ZNF202: variants seen among roughly 807,000 people sequenced by gnomAD.
ZNF202 encodes the protein zinc finger protein with KRAB and SCAN domains 10.
A neutral mutation model predicts 54.5 loss-of-function variants in ZNF202; 22 were observed. The ratio of observed to expected loss-of-function variants is 0.40; its 90% CI spans 0.29 to 0.58. The LOEUF (loss-of-function observed/expected upper bound fraction) is 0.58, where lower values mean the gene tolerates loss of function less well. Among genes scored for constraint, ZNF202 ranks in the 20% least tolerant of loss-of-function variants. The pLI is 0.39. For missense variants in ZNF202, 644 were observed against 805.5 expected (o/e 0.80, Z 2.43); for synonymous variants, 294 against 301.4 (o/e 0.98, Z 0.26).
rs149590997 is a variant in ZNF202, at chr11:123,725,002, T to C, written c.*995A>G. The C allele has an allele frequency of 4.6e-5, 7 of 152,348 alleles. No homozygotes were observed. The East Asian group carries it at 1.2e-3, about 25-fold the overall frequency. The allele number at this position is 152,348 out of a possible 1,614,324, so 9.4% of individuals were successfully genotyped here. A position where few individuals can be genotyped will look rare whatever the true frequency, so the allele number is the denominator to read the frequency against. On this transcript the variant is annotated 3_prime_UTR_variant, in exon 9 of 9. Coordinates refer to ENST00000530393, the MANE Select transcript of ZNF202 (RefSeq NM_003455.4). The stretch of plus-strand genomic sequence containing the variant: ...GCCCATGGCAATCATGATTCTGTAA[T>C]TGTTATAGTGCCTTTGTAAGTTGAC...
Position 123,728,360 on chromosome 11 carries a change from G to T in ZNF202, c.703-98C>A. ...ATACAATAGGTGGACTCCTCTAGGA[G>T]ATGAAAGGAGCTTGAGTGGCGGGCT... On this transcript the variant is annotated intron_variant, in intron 6 of 8. Transcript: ENST00000530393. The T allele has an allele frequency of 3.6e-6, 5 of 1,387,296 alleles. No homozygotes were observed. The South Asian group carries it at 7.7e-5, about 21-fold the overall frequency. The allele number at this position is 1,387,296 out of a possible 1,614,324, so 85.9% of individuals were successfully genotyped here.
chr11:123,730,625 C>A lies in ZNF202; in HGVS notation c.264G>T (p.Leu88=). The part of the protein sequence containing the change: ...ERRTKEQILE[L]LVLEQFLTVL... ...CGGTAAGAAATTGTTCCAGCACAAG[C>A]AGCTCTAGGATCTGCTCCTTTGTCC... Residue 88 remains leucine (L), a synonymous_variant, in exon 4 of 9, where the codon CTG becomes CTT. Coordinates refer to ENST00000530393, the MANE Select transcript of ZNF202 (RefSeq NM_003455.4). The surrounding 1 kb of genome is among the most constrained non-coding windows in gnomAD (Gnocchi z 6.0). 6.2e-7 allele frequency: 1 copy of A among 1,613,014 alleles called. No homozygotes were observed. The highest frequency in any genetic ancestry group is 8.5e-7 in the Non-Finnish European group (1 of 1,179,330).
At chr11:123,733,802 T>C (rs771239958) in intron 3 of ZNF202, among the ~76,000 whole-genome samples, 8 of 152,192 alleles carry the variant, frequency 5.3e-5, no homozygotes, top group Non-Finnish European at 7.3e-5. Flanking sequence ...CTTCAAGTAA[T>C]GTTTGGCCTA....
Position 123,730,865 on chromosome 11 carries a change from C to T in ZNF202, c.24G>A (p.Glu8=). 3.1e-6 allele frequency: 5 copies of T among 1,614,024 alleles called. No homozygotes were observed. The highest frequency in any genetic ancestry group is 2.7e-5 in the African/African-American group (2 of 75,060). MATAVEP[E]DQDLWEEEGI... The stretch of plus-strand genomic sequence containing the variant: ...CCTCTTCTTCCCAAAGATCCTGGTC[C>T]TCTGGTTCCACGGCTGTAGCCATTT... Residue 8 remains glutamate, a synonymous_variant, in exon 4 of 9, where the codon GAG becomes GAA. Transcript: ENST00000530393. The surrounding 1 kb of genome is among the most constrained non-coding windows in gnomAD (Gnocchi z 6.0).
rs768032962 is a variant in ZNF202 at position 123,729,825 on chromosome 11, C to T, written c.403G>A (p.Val135Met). 6 of 1,596,082 alleles carry T rather than the reference C, an allele frequency of 3.8e-6. No individual in the cohort carries two copies. In the East Asian group the frequency reaches 1.1e-4, roughly 30 times the overall value. ...QKQPRRPRRW[V>M]TVHVHGQEVL... ...TCCTGGCCGTGAACATGGACAGTCA[C>T]CTGGGAATAATTCCAACTTCCAGTC... is the stretch of plus-strand genomic sequence containing the variant. Residue 135 changes from valine to methionine, a missense_variant and splice_region_variant, in exon 5 of 9, where the codon GTG becomes ATG. Coordinates refer to ENST00000530393, the MANE Select transcript of ZNF202 (RefSeq NM_003455.4).
intron 1 of ZNF202, among the ~76,000 whole-genome samples, 200 bp downstream of exon 1, chr11:123,741,349 C>T (rs1468169950): frequency 6.6e-6 from 1 of 152,106 alleles, no homozygotes; most frequent in Admixed American, 6.5e-5. Context: ...CTCCGGCCAC[C>T]AGGAAACACA....
In ZNF202 at chr11:123,730,605, A is replaced by G; in HGVS notation, c.284T>C (p.Leu95Pro). Residue 95 changes from leucine to proline, a missense_variant, in exon 4 of 9, where the codon CTT (leucine) becomes CCT (proline). By Grantham distance (98) the Leu-to-Pro change is moderately conservative. Transcript: ENST00000530393. The surrounding 1 kb of genome is among the most constrained non-coding windows in gnomAD (Gnocchi z 6.0). ...CTGTAGTTCTCCAGGTAGGACGGTA[A>G]GAAATTGTTCCAGCACAAGCAGCTC... is the stretch of plus-strand genomic sequence containing the variant. ...ILELLVLEQF[L>P]TVLPGELQSW... The G allele has an allele frequency of 6.2e-7, 1 of 1,612,472 alleles. No individual in the cohort carries two copies. Among genetic ancestry groups the G allele is most frequent in the Non-Finnish European group, 8.5e-7 (1 of 1,179,082 alleles).
rs1861109096 is a variant in ZNF202, at chr11:123,725,919, G to A, written c.*78C>T. 2.7e-6 allele frequency: 4 copies of A among 1,502,160 alleles called. No homozygotes were observed. The highest frequency in any genetic ancestry group is 2.3e-5 in the East Asian group (1 of 44,100). The allele number at this position is 1,502,160 out of a possible 1,614,324, so 93.1% of individuals were successfully genotyped here. Reference sequence around the variant, plus strand: ...GACTCCCTCGAAAAGGTCTTCCCAGGCTGACAAGAGGGCTTTTCCTCTTCC... The same window carrying A: ...GACTCCCTCGAAAAGGTCTTCCCAGACTGACAAGAGGGCTTTTCCTCTTCC... On this transcript the variant is annotated 3_prime_UTR_variant, in exon 9 of 9. Transcript: ENST00000530393.
intron 1 of ZNF202, among the ~76,000 whole-genome samples, chr11:123,741,129 A>G (rs1267630927): frequency 6.6e-6 from 1 of 152,104 alleles, no homozygotes; most frequent in Non-Finnish European, 1.5e-5. Context: ...GATCTTAAGC[A>G]ATCTGAGAGG....
chr11:123,732,444 C>T (rs561004516), intron 3 of ZNF202, among the ~76,000 whole-genome samples: 1 of 152,312 alleles, frequency 6.6e-6, no homozygotes, highest in Admixed American at 6.5e-5. Flanking sequence ...CACAAGAGTC[C>T]CGTGTTCTTT....
At chr11:123,728,381 G>T in intron 6 of ZNF202, 119 bp from the exon 7 acceptor site, 1 of 1,305,990 alleles carries the variant, frequency 7.7e-7, no homozygotes, top group Non-Finnish European at 9.9e-7. Flanking sequence ...CTTGAGTGGC[G>T]GGCTGCTTAA....
rs1201536895 is a variant in ZNF202, at chr11:123,726,398, T to C, written c.1546A>G (p.Lys516Glu). ...AACACAGATTTCTGGCTGAAGCTTT[T>C]GCCACAAATAGTACAAAAGAAGGGT... Reference protein sequence around the residue: ...EKPFFCTICGKSFSQKSVLTT... With the variant: ...EKPFFCTICGESFSQKSVLTT... The change falls in exon 9 of 9, where the codon AAA becomes GAA. Residue 516 changes from lysine (K) to glutamate (E), a missense_variant. Transcript: ENST00000530393. This position sits in a 1 kb window ranked among gnomAD's most constrained non-coding sequence, Gnocchi z 6.0. 6.2e-7 allele frequency: 1 copy of C among 1,614,250 alleles called. No individual in the cohort carries two copies. Among genetic ancestry groups the C allele is most frequent in the Non-Finnish European group, 8.5e-7 (1 of 1,180,036 alleles).
chr11:123,734,613 ATG>A (rs1247521095), intron 3 of ZNF202, among the ~76,000 whole-genome samples: 1 of 152,008 alleles, frequency 6.6e-6, no homozygotes, highest in East Asian at 1.9e-4. Context: ...CAGCATGCAC[ATG>A]TGTCTATTTT....
At position 123,726,496 on chromosome 11, in the gene ZNF202, C is replaced by T. The variant is rs1216305262; in HGVS notation, c.1448G>A (p.Cys483Tyr). Residue 483 changes from cysteine to tyrosine, a missense_variant, in exon 9 of 9, where the codon TGT (cysteine) becomes TAT (tyrosine). Cys to Tyr is a radical substitution (Grantham distance 194). This residue lies in a region of ZNF202 where 536 missense variants were observed against 635.3 expected (regional missense o/e 0.84). Transcript: ENST00000530393. The surrounding 1 kb of genome is among the most constrained non-coding windows in gnomAD (Gnocchi z 6.0). ...RTPSVEKPYRCDDCGKHFRWT... is the reference protein window; with the variant it reads ...RTPSVEKPYRYDDCGKHFRWT... ...GCGGAAGTGCTTTCCGCAATCATCA[C>T]ATCTATAGGGTTTCTCCACTGATGG... 1 of 1,614,254 alleles carries T rather than the reference C, an allele frequency of 6.2e-7. No homozygotes were observed. The highest frequency in any genetic ancestry group is 8.5e-7 in the Non-Finnish European group (1 of 1,180,034).
At position 123,726,236 on chromosome 11, in the gene ZNF202, A is replaced by G; in HGVS notation, c.1708T>C (p.Cys570Arg). The change falls in exon 9 of 9, where the codon TGC becomes CGC. Residue 570 changes from cysteine (C) to arginine (R), a missense_variant. Transcript: ENST00000530393. This position sits in a 1 kb window ranked among gnomAD's most constrained non-coding sequence, Gnocchi z 6.0. ...AAEELYLCSE[C>R]GRCFTHSAAF... is the part of the protein sequence containing the mutation. ...GCGCTGTGGGTGAAGCAGCGCCCGC[A>G]CTCGCTGCAGAGGTAGAGTTCCTCA... 1 of 1,614,144 alleles carries G rather than the reference A, an allele frequency of 6.2e-7. No individual in the cohort carries two copies. The highest frequency in any genetic ancestry group is 8.5e-7 in the Non-Finnish European group (1 of 1,180,026).
chr11:123,729,004 G>A, intron 6 of ZNF202, 122 bp downstream of exon 6: 1 of 929,278 alleles, frequency 1.1e-6, no homozygotes, highest in Non-Finnish European at 1.7e-6. Flanking sequence ...GGTACCTGCA[G>A]AACTGTGAGC....
intron 6 of ZNF202, 62 bp from the exon 7 acceptor site, chr11:123,728,324 T>C (rs1861247439): frequency 9.1e-6 from 14 of 1,536,132 alleles, no homozygotes; most frequent in South Asian, 3.6e-5. Flanking sequence ...ATTTTGTCCC[T>C]GTTGAAGGTC....
chr11:123,726,184 T>C lies in ZNF202; in HGVS notation c.1760A>G (p.His587Arg), dbSNP rs1300916341. 1 of 1,614,192 alleles carries C rather than the reference T, an allele frequency of 6.2e-7. No homozygotes were observed. Among genetic ancestry groups the C allele is most frequent in the South Asian group, 1.1e-5 (1 of 91,084 alleles). The part of the protein sequence containing the change: ...SAAFAKHLRG[H>R]ASVRPCRCNE... ...GCATCGGCAGGGCCTCACTGAGGCG[T>C]GTCCTCTCAAGTGCTTGGCGAACGC... is the stretch of plus-strand genomic sequence containing the variant. The change falls in exon 9 of 9, where the codon CAC becomes CGC. Residue 587 changes from histidine to arginine, a missense_variant. This residue lies in a region of ZNF202 where 536 missense variants were observed against 635.3 expected (regional missense o/e 0.84). Transcript: ENST00000530393. This position sits in a 1 kb window ranked among gnomAD's most constrained non-coding sequence, Gnocchi z 6.0.
intron 3 of ZNF202, chr11:123,738,622 T>C (rs922780398): frequency 2.0e-5 from 3 of 152,220 alleles, no homozygotes; most frequent in Non-Finnish European, 4.4e-5. Flanking sequence ...GCCAATCAGA[T>C]AGTCAGAGGA....
Sources: gnomAD v4.1 joint callset for allele counts (sites outside exome capture counted in the v4.1 genomes callset) on GRCh38, gnomAD v4.1.1 for gene constraint, gnomAD v4.1.1 regional missense constraint, Gnocchi (gnomAD v3.1) non-coding constraint, MANE v1.5 for transcripts, NCBI Gene and HGNC (gene_info 2026-07-23, HGNC 2026-07-21) for gene names.